The following CCDC7 variants were observed in gnomAD, a reference collection of about 807,000 sequenced individuals.
The protein encoded by CCDC7 is coiled-coil domain-containing protein 7.
Under a neutral mutation model 196.9 loss-of-function variants are expected in CCDC7, and 183 were observed. That is an observed-to-expected ratio of 0.93 (90% confidence interval 0.82 to 1.05). The LOEUF (loss-of-function observed/expected upper bound fraction) is 1.05, where lower values mean the gene tolerates loss of function less well. CCDC7 is among the 50% of genes least tolerant of loss of function. The pLI is 0.00. For synonymous variants in CCDC7, 525 were observed against 484.6 expected (o/e 1.08, Z -1.10); for missense variants, 1,540 against 1,482.2 (o/e 1.04, Z -0.64).
At chr10:32,750,459 G>A (rs1020062080) in intron 28 of CCDC7, among the ~76,000 whole-genome samples, 2 of 152,152 alleles carry the variant, frequency 1.3e-5, no homozygotes, top group Admixed American at 1.3e-4. Flanking sequence ...GAGAAGGAAT[G>A]GTTATTGGAG....
At chr10:32,677,227 A>T (rs1483664998) in intron 21 of CCDC7, among the ~76,000 whole-genome samples, 4 of 86,320 alleles carry the variant, frequency 4.6e-5, no homozygotes, top group Admixed American at 1.4e-4. Flanking sequence ...GGGTGGGGGG[A>T]GGGGGGAAGG....
intron 29 of CCDC7, among the ~76,000 whole-genome samples, chr10:32,803,320 C>A (rs1245308152): frequency 6.6e-6 from 1 of 152,158 alleles, no homozygotes; most frequent in Non-Finnish European, 1.5e-5. Flanking sequence ...TAGATGATAT[C>A]CAGTGCTGAT....
intron 24 of CCDC7, among the ~76,000 whole-genome samples, chr10:32,699,032 A>G (rs897212017): frequency 2.0e-5 from 3 of 152,044 alleles, no homozygotes; most frequent in Admixed American, 2.0e-4. Context: ...AAGCCAGAAG[A>G]GAGTGGGGGC....
At chr10:32,489,517 G>A (rs1053378646) in intron 8 of CCDC7, among the ~76,000 whole-genome samples, 20 of 152,212 alleles carry the variant, frequency 1.3e-4, no homozygotes, top group Admixed American at 9.2e-4. Context: ...CCTGGGCAAG[G>A]CTAGCATGTA....
chr10:32,735,215 A>T (rs1287515621), intron 28 of CCDC7, among the ~76,000 whole-genome samples: 1 of 152,212 alleles, frequency 6.6e-6, no homozygotes, highest in Non-Finnish European at 1.5e-5. Context: ...ACACAGGTAA[A>T]TACCAAGGAG....
At chr10:32,501,299 T>C (rs1224617305) in intron 9 of CCDC7, among the ~76,000 whole-genome samples, 7 of 152,140 alleles carry the variant, frequency 4.6e-5, no homozygotes, top group Non-Finnish European at 2.9e-5. Flanking sequence ...TTCAAGGTTC[T>C]TAGCTTCCTG....
At chr10:32,799,423 A>G (rs772517683) in intron 29 of CCDC7, among the ~76,000 whole-genome samples, 2 of 152,172 alleles carry the variant, frequency 1.3e-5, no homozygotes, top group African/African-American at 4.8e-5. Context: ...GACTTATTGC[A>G]GAGCCTTCTC....
chr10:32,728,805 A>T (rs2083483709), intron 26 of CCDC7, 82 bp from the exon 28 acceptor site: 2 of 707,202 alleles, frequency 2.8e-6, no homozygotes, highest in Admixed American at 6.9e-5. Context: ...TTATAACTTT[A>T]TAAAAATAAG....
chr10:32,464,373 G>A (rs779281003), intron 5 of CCDC7, among the ~76,000 whole-genome samples: 2 of 152,068 alleles, frequency 1.3e-5, no homozygotes, highest in Non-Finnish European at 2.9e-5. Flanking sequence ...CAATATTAAC[G>A]TCTGTACTCA....
chr10:32,475,101 C>T (rs2038724346), intron 8 of CCDC7, among the ~76,000 whole-genome samples: 1 of 152,156 alleles, frequency 6.6e-6, no homozygotes, highest in African/African-American at 2.4e-5. Context: ...GAGGGGAATC[C>T]TTTGTACATC....
chr10:32,627,292 A>G (rs1369394368), intron 18 of CCDC7, among the ~76,000 whole-genome samples: 1 of 151,948 alleles, frequency 6.6e-6, no homozygotes, highest in African/African-American at 2.4e-5. Context: ...TAGCTGTTGT[A>G]AATCAGATTG....
chr10:32,711,490 T>G, intron 24 of CCDC7, 130 bp from the exon 26 acceptor site: 1 of 564,170 alleles, frequency 1.8e-6, no homozygotes, highest in South Asian at 2.2e-5. Flanking sequence ...AGAGCTAGCA[T>G]TAAGGTAGTT....
intron 9 of CCDC7, among the ~76,000 whole-genome samples, chr10:32,493,617 T>C (rs932168564): frequency 6.6e-6 from 1 of 151,984 alleles, no homozygotes; most frequent in Non-Finnish European, 1.5e-5. Context: ...ATCTCCATAC[T>C]GTTTTCCATA....
intron 28 of CCDC7, among the ~76,000 whole-genome samples, chr10:32,777,967 G>A (rs768269198): frequency 6.6e-6 from 1 of 152,170 alleles, no homozygotes; most frequent in Non-Finnish European, 1.5e-5. Context: ...TTTTTCATAT[G>A]TTTCTTGGCC....
At chr10:32,736,002 T>C (rs1395028801) in intron 28 of CCDC7, among the ~76,000 whole-genome samples, 1 of 152,238 alleles carries the variant, frequency 6.6e-6, no homozygotes, top group Non-Finnish European at 1.5e-5. Context: ...ATCTCTCTTC[T>C]GTTCCAATTG....
At chr10:32,625,994 C>T (rs981447164) in intron 18 of CCDC7, among the ~76,000 whole-genome samples, 3 of 152,092 alleles carry the variant, frequency 2.0e-5, no homozygotes, top group Non-Finnish European at 4.4e-5. Flanking sequence ...GATTCCATTA[C>T]TTGGCTATCA....
chr10:32,614,785 G>C (rs1365399461), intron 18 of CCDC7, among the ~76,000 whole-genome samples: 1 of 152,086 alleles, frequency 6.6e-6, no homozygotes. Context: ...CATGTCCTTT[G>C]GGGGCCAAGG....
chr10:32,504,099 C>T (rs565605904), intron 9 of CCDC7, among the ~76,000 whole-genome samples: 1 of 134,308 alleles, frequency 7.4e-6, no homozygotes, highest in South Asian at 2.5e-4. Context: ...TTTCTAGTCT[C>T]TATTATTTAT....
At chr10:32,514,595 G>A (rs1367155382) in intron 9 of CCDC7, 2 of 152,088 alleles carry the variant, frequency 1.3e-5, no homozygotes, top group Non-Finnish European at 2.9e-5. Context: ...TCACCCATAT[G>A]TGGTCTTTTA....
Sources: gnomAD v4.1 joint callset for allele counts (sites outside exome capture counted in the v4.1 genomes callset) on GRCh38, gnomAD v4.1.1 for gene constraint, MANE v1.5 for transcripts, NCBI Gene and HGNC (gene_info 2026-07-23, HGNC 2026-07-21) for gene names.